Variants in XPO6 observed in about 807,000 individuals in gnomAD.
XPO6 encodes the protein exportin-6.
In XPO6, 3 loss-of-function variants were observed where a neutral mutation model predicts 130.0. The observed-to-expected ratio is 0.02, with a 90% CI of 0.01 to 0.06. XPO6 has a LOEUF of 0.06. XPO6 is among the 10% of genes least tolerant of loss of function. XPO6 has a pLI of 1.00. For synonymous variants in XPO6, 524 were observed against 548.9 expected (o/e 0.95, Z 0.63); for missense variants, 970 against 1,393.0 (o/e 0.70, Z 4.83).
chr16:28,209,457 T>C (rs2044090326), intron 1 of XPO6, among the ~76,000 whole-genome samples: 1 of 151,938 alleles, frequency 6.6e-6, no homozygotes. Flanking sequence ...CTGACCAACA[T>C]GGTGAAACCC....
chr16:28,132,465 T>C lies in XPO6; in HGVS notation c.1537-62A>G, dbSNP rs1178416103. 1 of 1,124,252 alleles carries C rather than the reference T, an allele frequency of 8.9e-7. No individual in the cohort carries two copies. The highest frequency in any genetic ancestry group is 1.6e-5 in the African/African-American group (1 of 63,402). 69.6% of individuals were successfully genotyped at this position (1,124,252 alleles called of 1,614,324 possible). ...GCCATAAATGCAAGTTTTAATAGCA[T>C]TTTAACATTACAACATTAACACGTA... On this transcript the variant is annotated intron_variant, in intron 11 of 23. Transcript: ENST00000304658. The surrounding 1 kb of genome is among the most constrained non-coding windows in gnomAD (Gnocchi z 4.0).
At chr16:28,158,987 C>T (rs924102512) in intron 6 of XPO6, among the ~76,000 whole-genome samples, 1 of 152,008 alleles carries the variant, frequency 6.6e-6, no homozygotes, top group African/African-American at 2.4e-5. Flanking sequence ...CCCAGCATTT[C>T]GGTAGGCTGA....
intron 1 of XPO6, among the ~76,000 whole-genome samples, chr16:28,207,247 CAA>C (rs1186055462): frequency 3.5e-5 from 4 of 114,300 alleles, no homozygotes; most frequent in Non-Finnish European, 3.7e-5. Flanking sequence ...GATGCCATCT[CAA>C]AAAAAAAAAA....
Position 28,156,517 on chromosome 16 carries a change from C to T in XPO6, c.654G>A (p.Leu218=). 3.9e-6 allele frequency: 6 copies of T among 1,545,396 alleles called. No individual in the cohort carries two copies. Among genetic ancestry groups the T allele is most frequent in the Non-Finnish European group, 5.2e-6 (6 of 1,143,986 alleles). ...AACTGGGACTCTGCAACAGGTTACTCAGTAAGTCACCTGAAAATAAGAAAG... is the reference window on the plus strand; with the variant it reads ...AACTGGGACTCTGCAACAGGTTACTTAGTAAGTCACCTGAAAATAAGAAAG... The part of the protein sequence containing the change: ...SPTSGESGDL[L]SNLLQSPSSA... The change falls in exon 7 of 24, where the codon CTG becomes CTA. Residue 218 remains leucine (L), a synonymous_variant. Coordinates refer to ENST00000304658, the MANE Select transcript of XPO6 (RefSeq NM_015171.4).
At position 28,133,849 on chromosome 16, in the gene XPO6, A is replaced by T; in HGVS notation, c.1528T>A (p.Ser510Thr). The T allele has an allele frequency of 6.2e-7, 1 of 1,614,042 alleles. No individual in the cohort carries two copies. The highest frequency in any genetic ancestry group is 2.2e-5 in the East Asian group (1 of 44,876). The change falls in exon 11 of 24, where the codon TCC becomes ACC. Residue 510 changes from serine (S) to threonine (T), a missense_variant. Coordinates refer to ENST00000304658, the MANE Select transcript of XPO6 (RefSeq NM_015171.4). The part of the protein sequence containing the change: ...VMELLPTHAF[S>T]TLFPVLQDNL... ...CCCGGACAGCACATTACCAGTGTGG[A>T]GAAGGCGTGCGTGGGCAGGAGCTCC...
chr16:28,161,388 G>A (rs1273990099), intron 6 of XPO6, among the ~76,000 whole-genome samples: 2 of 152,124 alleles, frequency 1.3e-5, no homozygotes, highest in Non-Finnish European at 2.9e-5. Context: ...GCCTTTCTCA[G>A]CCTCAACCTC....
intron 6 of XPO6, among the ~76,000 whole-genome samples, chr16:28,159,047 T>C (rs1038249489): frequency 6.6e-6 from 1 of 151,912 alleles, no homozygotes; most frequent in African/African-American, 2.4e-5. Context: ...TTGGGCAACA[T>C]AGCGACACCC....
At chr16:28,192,322 C>A (rs938050970) in intron 1 of XPO6, among the ~76,000 whole-genome samples, 5 of 151,316 alleles carry the variant, frequency 3.3e-5, no homozygotes, top group Non-Finnish European at 7.4e-5. Context: ...AATCTCTAGA[C>A]CACATTACTA....
chr16:28,194,539 G>A (rs2043830309), intron 1 of XPO6, among the ~76,000 whole-genome samples: 1 of 152,062 alleles, frequency 6.6e-6, no homozygotes. Context: ...AATAAGGGTA[G>A]AGGAGGGGGT....
At chr16:28,175,183 G>GCC (rs769849985) in intron 4 of XPO6, among the ~76,000 whole-genome samples, 8 of 151,200 alleles carry the variant, frequency 5.3e-5, no homozygotes, top group Non-Finnish European at 8.8e-5. Flanking sequence ...CTGGCCTCCT[G>GCC]CCCCCATCCC....
chr16:28,103,123 C>A (rs1454462044), intron 21 of XPO6, among the ~76,000 whole-genome samples: 1 of 152,198 alleles, frequency 6.6e-6, no homozygotes, highest in Non-Finnish European at 1.5e-5. Context: ...CAAGACAGGA[C>A]ACTTCCATCA....
intron 7 of XPO6, chr16:28,154,202 C>G: frequency 3.1e-6 from 3 of 982,384 alleles, no homozygotes; most frequent in Non-Finnish European, 3.6e-6. Flanking sequence ...TTCAAAGTCA[C>G]CACCCAGCTG....
At chr16:28,176,801 G>A (rs961991167) in intron 3 of XPO6, among the ~76,000 whole-genome samples, 2 of 151,906 alleles carry the variant, frequency 1.3e-5, no homozygotes, top group Non-Finnish European at 2.9e-5. Context: ...GAGCCACTGC[G>A]CCCGGCCTAC....
At chr16:28,191,860 T>C (rs1481958517) in intron 1 of XPO6, among the ~76,000 whole-genome samples, 1 of 152,216 alleles carries the variant, frequency 6.6e-6, no homozygotes, top group Non-Finnish European at 1.5e-5. Context: ...CTCAGGTGAG[T>C]AATTTCATTT....
intron 4 of XPO6, among the ~76,000 whole-genome samples, chr16:28,175,090 C>T (rs752471110): frequency 2.7e-4 from 41 of 152,172 alleles, no homozygotes; most frequent in Non-Finnish European, 5.4e-4. Context: ...CTTCTTTCAA[C>T]CCTGGCCTGA....
chr16:28,209,361 C>A (rs897347559), intron 1 of XPO6, among the ~76,000 whole-genome samples: 1 of 151,966 alleles, frequency 6.6e-6, no homozygotes, highest in Non-Finnish European at 1.5e-5. Context: ...ATATTGAGGC[C>A]GGGCGCGATG....
chr16:28,106,415 T>G lies in XPO6; in HGVS notation c.2580A>C (p.Gln860His), dbSNP rs2086782483. The change falls in exon 19 of 24, where the codon CAA (glutamine) becomes CAC (histidine). Residue 860 changes from glutamine (Q) to histidine (H), a missense_variant. Physicochemically the swap from Gln to His is conservative, Grantham distance 24 (BLOSUM62 0). Around this residue, in one of 4 missense-constraint regions of XPO6, gnomAD observed 936 missense variants for 1,306.8 expected, o/e 0.72. Transcript: ENST00000304658. This position sits in a 1 kb window ranked among gnomAD's most constrained non-coding sequence, Gnocchi z 4.2. ...RVQMGVPFTEQIIQTFLNMFT... is the reference protein window; with the variant it reads ...RVQMGVPFTEHIIQTFLNMFT... ...ACATGTTGAGGAAAGTCTGTATGAT[T>G]TGCTCAGTGAAAGGCACACCCATCT... The G allele has an allele frequency of 1.2e-6, 2 of 1,614,188 alleles. No homozygotes were observed. Among genetic ancestry groups the G allele is most frequent in the Non-Finnish European group, 1.7e-6 (2 of 1,180,022 alleles).
Position 28,204,243 on chromosome 16 carries a change from A to G in XPO6, c.3+7123T>C, listed in dbSNP as rs2043993216. ...ACAACAAAAGACCAACCTCATTAAT[A>G]ATATTGAGTATATAAAATGTTAAAA... On this transcript the variant is annotated intron_variant, in intron 1 of 23. Transcript: ENST00000304658. Among the ~76,000 whole-genome samples the G allele has an allele frequency of 4.6e-5, 7 of 152,174 alleles. No individual in the cohort carries two copies. In the South Asian group the frequency reaches 1.4e-3, roughly 32 times the overall value.
rs116138797 is a variant in XPO6 at position 28,181,101 on chromosome 16, G to A, written c.4-70C>T. 3.9e-3 allele frequency: 4,778 copies of A among 1,219,106 alleles called. 120 individuals are homozygous for A. The African/African-American group carries it at 0.055, about 14-fold the overall frequency. 75.5% of individuals were successfully genotyped at this position (1,219,106 alleles called of 1,614,324 possible). On this transcript the variant is annotated intron_variant, in intron 1 of 23. Coordinates refer to ENST00000304658, the MANE Select transcript of XPO6 (RefSeq NM_015171.4). ...TTCCACTGTTCCTCAGTTCCTTCTAGGTCACATTCAACAGCAAGAGCAATT... is the reference window on the plus strand; with the variant it reads ...TTCCACTGTTCCTCAGTTCCTTCTAAGTCACATTCAACAGCAAGAGCAATT...
Sources: gnomAD v4.1 joint callset for allele counts (sites outside exome capture counted in the v4.1 genomes callset) on GRCh38, gnomAD v4.1.1 for gene constraint, gnomAD v4.1.1 regional missense constraint, Gnocchi (gnomAD v3.1) non-coding constraint, MANE v1.5 for transcripts, NCBI Gene and HGNC (gene_info 2026-07-23, HGNC 2026-07-21) for gene names.